The following PCDHA6 variants were observed in gnomAD, a reference collection of about 807,000 sequenced individuals.
PCDHA6 encodes protocadherin alpha 6.
In PCDHA6, 55 loss-of-function variants were observed where a neutral mutation model predicts 60.3. That is an observed-to-expected ratio of 0.91 (90% CI 0.73 to 1.14). The LOEUF is 1.14. PCDHA6 is among the 50% of genes most tolerant of loss of function. The pLI, the probability that PCDHA6 is intolerant of heterozygous loss-of-function variation, is 0.00. For synonymous variants in PCDHA6, 652 were observed against 557.9 expected (o/e 1.17, Z -2.38); for missense variants, 1,327 against 1,256.5 (o/e 1.06, Z -0.85).
chr5:140,883,643 G>A (rs1182808577), intron 1 of PCDHA6: 2 of 1,613,822 alleles, frequency 1.2e-6, no homozygotes, highest in Non-Finnish European at 1.7e-6. Context: ...CGCGCAGCCC[G>A]AGTACACGGT....
chr5:140,925,254 A>G (rs1554202655), intron 1 of PCDHA6, among the ~76,000 whole-genome samples: 1 of 152,188 alleles, frequency 6.6e-6, no homozygotes, highest in African/African-American at 2.4e-5. Context: ...GGAAACTTTA[A>G]TTCTTGATCT....
chr5:140,882,423 T>C (rs1554174072), intron 1 of PCDHA6: 2 of 1,614,052 alleles, frequency 1.2e-6, no homozygotes, highest in African/African-American at 2.7e-5. Context: ...GCTCAGGACC[T>C]GGGGCTGGAG....
In PCDHA6 at chr5:140,830,198, G is replaced by A. The variant is rs2150099419; in HGVS notation, c.2107G>A (p.Ala703Thr). The A allele has an allele frequency of 6.2e-7, 1 of 1,613,708 alleles. No homozygotes were observed. The highest frequency in any genetic ancestry group is 8.5e-7 in the Non-Finnish European group (1 of 1,179,884). Residue 703 changes from alanine (A) to threonine (T), a missense_variant, in exon 1 of 4, where the codon GCC becomes ACC. Ala to Thr is a moderately conservative substitution (Grantham distance 58, BLOSUM62 0). Transcript: ENST00000529310. ...GGATGTCAACGTGTACCTGATCATC[G>A]CCATCTGCGCGGTATCCAGCCTGCT... is the stretch of plus-strand genomic sequence containing the variant. Reference protein sequence around the residue: ...LVDVNVYLIIAICAVSSLLVL... With the variant: ...LVDVNVYLIITICAVSSLLVL...
At chr5:140,891,371 T>G (rs1483919316) in intron 1 of PCDHA6, among the ~76,000 whole-genome samples, 1 of 152,146 alleles carries the variant, frequency 6.6e-6, no homozygotes, top group African/African-American at 2.4e-5. Context: ...CAGTATACAT[T>G]GCACCATATT....
intron 1 of PCDHA6, chr5:140,883,677 C>T (rs112867183): frequency 1.2e-6 from 2 of 1,613,726 alleles, no homozygotes. Flanking sequence ...AACAATCCGC[C>T]GGGCTGCCAC....
intron 3 of PCDHA6, among the ~76,000 whole-genome samples, chr5:140,998,104 G>A (rs1554256160): frequency 6.6e-6 from 1 of 152,132 alleles, no homozygotes; most frequent in African/African-American, 2.4e-5. Context: ...GCAAACAGAG[G>A]AGAAAATTTA....
intron 1 of PCDHA6, chr5:140,883,260 C>A (rs1554177345): frequency 6.2e-7 from 1 of 1,613,946 alleles, no homozygotes; most frequent in Non-Finnish European, 8.5e-7. Context: ...ATTCCAATGG[C>A]GGGTCATTGT....
intron 1 of PCDHA6, among the ~76,000 whole-genome samples, chr5:140,970,860 C>T (rs2096438853): frequency 6.6e-6 from 1 of 152,054 alleles, no homozygotes; most frequent in Non-Finnish European, 1.5e-5. Context: ...AAGTTCCATT[C>T]CTGATTGAGA....
intron 1 of PCDHA6, among the ~76,000 whole-genome samples, chr5:140,911,608 T>C (rs1045101856): frequency 1.3e-5 from 2 of 152,180 alleles, no homozygotes; most frequent in Non-Finnish European, 2.9e-5. Context: ...TTCATTATGT[T>C]CCTTAGTTCC....
chr5:140,954,282 T>C (rs1554221335), intron 1 of PCDHA6, among the ~76,000 whole-genome samples: 1 of 152,220 alleles, frequency 6.6e-6, no homozygotes. Context: ...TGATTTATAT[T>C]CCTTTGGGTA....
chr5:140,843,885 G>A, intron 1 of PCDHA6: 1 of 709,038 alleles, frequency 1.4e-6, no homozygotes, highest in South Asian at 2.0e-5. Context: ...GCATAATACA[G>A]TATTAATCAT....
At chr5:140,877,065 G>A (rs782807909) in intron 1 of PCDHA6, 7 of 1,613,044 alleles carry the variant, frequency 4.3e-6, no homozygotes, top group Non-Finnish European at 5.9e-6. Flanking sequence ...TGGAGCTGCT[G>A]CAGTTCCAGG....
chr5:140,877,361 A>G, intron 1 of PCDHA6: 6 of 1,613,976 alleles, frequency 3.7e-6, no homozygotes, highest in Non-Finnish European at 5.1e-6. Context: ...TACACTGGCG[A>G]GATCAGCACG....
chr5:140,991,413 A>G (rs2097451025), intron 3 of PCDHA6, among the ~76,000 whole-genome samples: 1 of 152,228 alleles, frequency 6.6e-6, no homozygotes, highest in South Asian at 2.1e-4. Context: ...CCATTATGCT[A>G]TAACAAATTA....
intron 1 of PCDHA6, 159 bp from the exon 2 acceptor site, chr5:140,978,790 T>C (rs2096823347): frequency 3.1e-6 from 3 of 975,976 alleles, no homozygotes; most frequent in Non-Finnish European, 3.7e-6. Flanking sequence ...TAAAGTGCTA[T>C]ATATGTAGAT....
intron 1 of PCDHA6, among the ~76,000 whole-genome samples, chr5:140,941,202 C>CCTTTCTTCCTTTCTTTTTCTTT (rs1394736170): frequency 8.1e-6 from 1 of 122,742 alleles, no homozygotes; most frequent in African/African-American, 3.0e-5. Flanking sequence ...TTTCTTTCTT[C>CCTTTCTTCCTTTCTTTTTCTTT]CTTTCTTTCT....
At chr5:140,841,755 C>A (rs2150322270) in intron 1 of PCDHA6, 2 of 1,613,886 alleles carry the variant, frequency 1.2e-6, no homozygotes, top group South Asian at 2.2e-5. Context: ...GTTTCAGAAT[C>A]CAGAATGCCA....
chr5:141,001,567 T>A (rs116015618), intron 3 of PCDHA6, among the ~76,000 whole-genome samples: 2 of 152,294 alleles, frequency 1.3e-5, no homozygotes, highest in African/African-American at 4.8e-5. Context: ...ACGATTCTCC[T>A]GTGTTTTGTG....
chr5:140,914,073 C>G (rs1314205032), intron 1 of PCDHA6, among the ~76,000 whole-genome samples: 1 of 152,122 alleles, frequency 6.6e-6, no homozygotes, highest in Non-Finnish European at 1.5e-5. Flanking sequence ...TGCTCCATAA[C>G]TATCTATTAG....
Sources: gnomAD v4.1 joint callset for allele counts (sites outside exome capture counted in the v4.1 genomes callset) on GRCh38, gnomAD v4.1.1 for gene constraint, MANE v1.5 for transcripts, NCBI Gene and HGNC (gene_info 2026-07-23, HGNC 2026-07-21) for gene names.